The following COQ6 variants were observed in gnomAD, a reference collection of about 807,000 sequenced individuals.
COQ6 encodes the protein coenzyme Q6, monooxygenase.
Under a neutral mutation model 55.5 loss-of-function variants are expected in COQ6, and 45 were observed. The observed-to-expected ratio is 0.81, with a 90% CI of 0.64 to 1.04. The LOEUF (loss-of-function observed/expected upper bound fraction) is 1.04. Ranked by LOEUF, COQ6 falls within the 50% of genes least tolerant of loss-of-function variation. COQ6 has a pLI of 0.00. For synonymous variants in COQ6, 206 were observed against 230.5 expected, an observed-to-expected ratio of 0.89 and a Z score of 0.96; for missense variants, 550 against 601.3, an observed-to-expected ratio of 0.91 and a Z score of 0.89.
intron 2 of COQ6, among the ~76,000 whole-genome samples, chr14:73,954,601 T>G (rs955065725): frequency 2.6e-5 from 4 of 152,116 alleles, no homozygotes; most frequent in African/African-American, 9.6e-5. Flanking sequence ...CTCAGCACTT[T>G]GGGAGGCTGA....
At chr14:73,950,252 C>A, upstream of COQ6, 1 of 1,538,518 alleles carries the variant, frequency 6.5e-7, no homozygotes, top group Non-Finnish European at 8.7e-7. Flanking sequence ...GGAAGCGGGA[C>A]GGGATTGGAG....
chr14:73,955,536 C>T (rs1014405317), intron 3 of COQ6, 27 bp downstream of exon 3: 1 of 1,604,156 alleles, frequency 6.2e-7, no homozygotes, highest in South Asian at 1.1e-5. Context: ...TCAATTTTGT[C>T]AAGATGTCTT....
intron 1 of COQ6, among the ~76,000 whole-genome samples, chr14:73,950,900 G>A (rs2056164512): frequency 6.6e-6 from 1 of 152,200 alleles, no homozygotes; most frequent in Non-Finnish European, 1.5e-5. Flanking sequence ...CCTTTCATAT[G>A]TTTATTGGTC....
Position 73,963,247 on chromosome 14 carries a change from T to C in COQ6, c.*248T>C. On this transcript the variant is annotated 3_prime_UTR_variant, in exon 12 of 12. Coordinates refer to ENST00000334571, the MANE Select transcript of COQ6 (RefSeq NM_182476.3). ...ACTTACAATTTGGTTGAAAAGAGCTTTTTATTACTAAAAAACCCACAAGGT... is the reference window on the plus strand; with the variant it reads ...ACTTACAATTTGGTTGAAAAGAGCTCTTTATTACTAAAAAACCCACAAGGT... The C allele has an allele frequency of 1.8e-6, 1 of 568,536 alleles. No homozygotes were observed. Among genetic ancestry groups the C allele is most frequent in the South Asian group, 2.5e-5 (1 of 39,322 alleles). 35.2% of individuals were successfully genotyped at this position (568,536 alleles called of 1,614,324 possible).
At chr14:73,958,555 C>G in intron 5 of COQ6, 1 of 1,307,826 alleles carries the variant, frequency 7.6e-7, no homozygotes, top group Non-Finnish European at 9.8e-7. Context: ...TGTTCTTTCC[C>G]TCTGAGGAGT....
rs921545041 is a variant in COQ6, at chr14:73,953,795, G to A, written c.298+226G>A. 19 of 608,142 alleles carry A rather than the reference G, an allele frequency of 3.1e-5. No individual in the cohort carries two copies. The East Asian group carries it at 5.1e-4, about 16-fold the overall frequency. The allele number at this position is 608,142 out of a possible 1,614,324, so 37.7% of individuals were successfully genotyped here. On this transcript the variant is annotated intron_variant, in intron 2 of 11. Transcript: ENST00000334571. ...GAGGAATGCATCCTTGAGGCATGTG[G>A]GTCCATCATGTTGACTTCACTTGTG...
At chr14:73,957,525 G>T (rs1398789406) in intron 4 of COQ6, among the ~76,000 whole-genome samples, 1 of 151,936 alleles carries the variant, frequency 6.6e-6, no homozygotes, top group Non-Finnish European at 1.5e-5. Flanking sequence ...CCTTGGCTGG[G>T]GTGCAGTGGC....
In COQ6 at chr14:73,958,271, AT is replaced by A. The variant is rs754868728; in HGVS notation, c.608del (p.Leu203CysfsTer2). 6.2e-7 allele frequency: 1 copy of A among 1,613,922 alleles called. No homozygotes were observed. Among genetic ancestry groups the A allele is most frequent in the Admixed American group, 1.7e-5 (1 of 60,008 alleles). ...LGDGSTFQTK[L>X]LIGADGHNSG... ...GTGATGGCAGCACCTTCCAGACCAA[AT>A]TGTTGGTAGTTGAAGATTCTTATTT... On this transcript the variant is annotated frameshift_variant, in exon 5 of 12. Coordinates refer to ENST00000334571, the MANE Select transcript of COQ6 (RefSeq NM_182476.3). LOFTEE classifies it high-confidence loss of function.
Position 73,950,502 on chromosome 14 carries a change from C to T in COQ6, c.163+7C>T, listed in dbSNP as rs775716818. On this transcript the variant is annotated splice_region_variant and intron_variant, in intron 1 of 11. Coordinates refer to ENST00000334571, the MANE Select transcript of COQ6 (RefSeq NM_182476.3). Reference sequence around the variant, plus strand: ...GCCATGGCCTGTGCCTTGGGTAAGCCCTTCTCCAGGCTACTAGTGGCCGGA... The same window carrying T: ...GCCATGGCCTGTGCCTTGGGTAAGCTCTTCTCCAGGCTACTAGTGGCCGGA... The T allele has an allele frequency of 2.5e-6, 4 of 1,601,320 alleles. No homozygotes were observed. Among genetic ancestry groups the T allele is most frequent in the Non-Finnish European group, 3.4e-6 (4 of 1,174,370 alleles).
intron 1 of COQ6, among the ~76,000 whole-genome samples, chr14:73,951,409 T>C (rs1325108050): frequency 1.3e-5 from 2 of 151,958 alleles, no homozygotes; most frequent in Non-Finnish European, 2.9e-5. Context: ...AGTTTCGCTC[T>C]TGTTGCCCAG....
At chr14:73,949,998 G>C (rs765042794), upstream of COQ6, 16 of 1,613,304 alleles carry the variant, frequency 9.9e-6, no homozygotes, top group South Asian at 1.8e-4. Flanking sequence ...CGCGCCTCCG[G>C]GGGCTCCCTC....
intron 5 of COQ6, chr14:73,958,734 C>G: frequency 7.0e-7 from 1 of 1,422,556 alleles, no homozygotes; most frequent in South Asian, 1.4e-5. Flanking sequence ...GAGGGCCTGG[C>G]TGAGTTTAAC....
Position 73,953,525 on chromosome 14 carries a change from A to G in COQ6, c.254A>G (p.Asn85Ser), listed in dbSNP as rs2140366993. 6.2e-7 allele frequency: 1 copy of G among 1,614,220 alleles called. No homozygotes were observed. Among genetic ancestry groups the G allele is most frequent in the Non-Finnish European group, 8.5e-7 (1 of 1,180,042 alleles). ...VLEKLSETYS[N>S]RVSSISPGSA... ...GAGAAATTGTCAGAAACTTACAGCA[A>G]CAGGGTCAGCTCCATTTCCCCTGGC... Residue 85 changes from asparagine to serine, a missense_variant, in exon 2 of 12, where the codon AAC becomes AGC. Coordinates refer to ENST00000334571, the MANE Select transcript of COQ6 (RefSeq NM_182476.3).
chr14:73,962,019 C>T, intron 11 of COQ6, 116 bp downstream of exon 11: 1 of 1,195,902 alleles, frequency 8.4e-7, no homozygotes, highest in Non-Finnish European at 1.2e-6. Flanking sequence ...ACAATTTCCA[C>T]TCACTGCAGC....
chr14:73,956,249 AC>A (rs1473407055), intron 4 of COQ6: 4 of 333,080 alleles, frequency 1.2e-5, no homozygotes, highest in African/African-American at 2.2e-5. Flanking sequence ...AATGGCGTGA[AC>A]CCAGGAGGTG....
intron 1 of COQ6, among the ~76,000 whole-genome samples, chr14:73,951,395 A>G (rs977084022): frequency 4.0e-5 from 6 of 149,364 alleles, no homozygotes; most frequent in African/African-American, 9.9e-5. Flanking sequence ...TTTCCCTGAG[A>G]TGGAGTTTCG....
upstream of COQ6, chr14:73,950,216 T>G (rs2056130359): frequency 1.3e-6 from 2 of 1,541,520 alleles, no homozygotes; most frequent in South Asian, 2.3e-5. Context: ...CTCCGCGCAT[T>G]TTATTTCCGG....
chr14:73,953,421 T>C lies in COQ6; in HGVS notation c.164-14T>C. ...TTGATTTTCCTAAGATGATATAAATTTTCTTTTTTTAAGGATATGATATTC... is the reference window on the plus strand; with the variant it reads ...TTGATTTTCCTAAGATGATATAAATCTTCTTTTTTTAAGGATATGATATTC... On this transcript the variant is annotated splice_polypyrimidine_tract_variant and intron_variant, in intron 1 of 11. Transcript: ENST00000334571. The C allele has an allele frequency of 2.5e-6, 4 of 1,606,250 alleles. No individual in the cohort carries two copies. The highest frequency in any genetic ancestry group is 3.4e-6 in the Non-Finnish European group (4 of 1,173,484).
chr14:73,956,533 A>T (rs1236665312), intron 4 of COQ6: 1 of 152,450 alleles, frequency 6.6e-6, no homozygotes, highest in Non-Finnish European at 1.5e-5. Flanking sequence ...TTCCTTCTGT[A>T]AAAAAAAACT....
Sources: gnomAD v4.1 joint callset for allele counts (sites outside exome capture counted in the v4.1 genomes callset) on GRCh38, gnomAD v4.1.1 for gene constraint, MANE v1.5 for transcripts, NCBI Gene and HGNC (gene_info 2026-07-23, HGNC 2026-07-21) for gene names.